The following SCRIB variants were observed in gnomAD, a reference collection of about 807,000 sequenced individuals.
SCRIB encodes protein scribble homolog.
A neutral mutation model predicts 170.0 loss-of-function variants in SCRIB; 72 were observed. The observed-to-expected ratio is 0.42, with a 90% CI of 0.35 to 0.52. The LOEUF (loss-of-function observed/expected upper bound fraction) is 0.52, where lower values mean the gene tolerates loss of function less well. SCRIB is among the 20% of genes least tolerant of loss of function. The pLI is 0.02. For synonymous variants in SCRIB, 1,298 were observed against 1,044.3 expected (o/e 1.24, Z -4.68); for missense variants, 2,475 against 2,338.5 (o/e 1.06, Z -1.20).
chr8:143,792,457 AG>A, intron 31 of SCRIB, 27 bp downstream of exon 31: 1 of 1,503,086 alleles, frequency 6.7e-7, no homozygotes, highest in Non-Finnish European at 8.9e-7. Flanking sequence ...TGGGGTGAGT[AG>A]GGGGCGTCTG....
Position 143,792,204 on chromosome 8 carries a change from C to A in SCRIB, c.4514+16G>T. On this transcript the variant is annotated intron_variant, in intron 32 of 36. Transcript: ENST00000356994. The stretch of plus-strand genomic sequence containing the variant: ...CAGGCAGCAGGGCGGGGTGGCGACC[C>A]CACACAGGGGCTCACCTGGCTGCCC... The A allele has an allele frequency of 6.4e-7, 1 of 1,554,284 alleles. No individual in the cohort carries two copies. The highest frequency in any genetic ancestry group is 8.7e-7 in the Non-Finnish European group (1 of 1,156,036).
At position 143,805,502 on chromosome 8, in the gene SCRIB, C is replaced by A. The variant is rs900785988; in HGVS notation, c.2347-67G>T. On this transcript the variant is annotated intron_variant, in intron 18 of 36. Coordinates refer to ENST00000356994, the MANE Select transcript of SCRIB (RefSeq NM_182706.5). ...GCCACAGACAGCCACGTGCTGGGGGCTCCACACGCTCCCTCCAGGATGGGG... is the reference window on the plus strand; with the variant it reads ...GCCACAGACAGCCACGTGCTGGGGGATCCACACGCTCCCTCCAGGATGGGG... 5 of 1,375,148 alleles carry A rather than the reference C, an allele frequency of 3.6e-6. No individual in the cohort carries two copies. The African/African-American group carries it at 6.0e-5, about 16-fold the overall frequency. 85.2% of individuals were successfully genotyped at this position (1,375,148 alleles called of 1,614,324 possible).
At position 143,805,408 on chromosome 8, in the gene SCRIB, C is replaced by T. The variant is rs782651409; in HGVS notation, c.2374G>A (p.Glu792Lys). ...AGCGCCTCCACGGCCTCGTGGTGCT[C>T]GGCGCCCTGCAGAGCCACACCATTC... ...EVNGVALQGAEHHEAVEALRG... is the reference protein window; with the variant it reads ...EVNGVALQGAKHHEAVEALRG... The change falls in exon 19 of 37, where the codon GAG becomes AAG. Residue 792 changes from glutamate (E) to lysine (K), a missense_variant. By Grantham distance (56) the Glu-to-Lys change is moderately conservative. Around this residue, in one of 3 missense-constraint regions of SCRIB, gnomAD observed 1,966 missense variants for 1,742.9 expected, o/e 1.13. Transcript: ENST00000356994. 5.2e-6 allele frequency: 8 copies of T among 1,526,064 alleles called. No homozygotes were observed. The highest frequency in any genetic ancestry group is 4.1e-5 in the African/African-American group (3 of 72,416). 94.5% of individuals were successfully genotyped at this position (1,526,064 alleles called of 1,614,324 possible).
At position 143,810,991 on chromosome 8, in the gene SCRIB, G is replaced by T. The variant is rs1368285350; in HGVS notation, c.1188C>A (p.Leu396=). 1 of 1,611,608 alleles carries T rather than the reference G, an allele frequency of 6.2e-7. No homozygotes were observed. The highest frequency in any genetic ancestry group is 1.1e-5 in the South Asian group (1 of 90,882). ...WLAENQAQPM[L]RFQTEDDART... ...GGGCATCATCCTCCGTCTGGAACCG[G>T]AGCATGGGCTGCGCCTGGTTCTCTG... Residue 396 remains leucine, a synonymous_variant, in exon 11 of 37, where the codon CTC becomes CTA. Transcript: ENST00000356994.
chr8:143,808,779 G>A lies in SCRIB; in HGVS notation c.1945C>T (p.Pro649Ser). The A allele has an allele frequency of 1.2e-6, 2 of 1,611,148 alleles. No individual in the cohort carries two copies. Among genetic ancestry groups the A allele is most frequent in the Non-Finnish European group, 8.5e-7 (1 of 1,178,510 alleles). ...PVAPGGWHNG[P>S]HAPWAPRAQK... is the part of the protein sequence containing the mutation. ...GCCCGAGGAGCCCAGGGTGCGTGGG[G>A]GCCATTGTGCCAGCCCCCGGGAGCC... The change falls in exon 15 of 37, where the codon CCC (proline) becomes TCC (serine). Residue 649 changes from proline (P) to serine (S), a missense_variant. Around this residue, in one of 3 missense-constraint regions of SCRIB, gnomAD observed 1,966 missense variants for 1,742.9 expected, o/e 1.13. Coordinates refer to ENST00000356994, the MANE Select transcript of SCRIB (RefSeq NM_182706.5).
At chr8:143,812,458 C>T (rs981821337) in intron 8 of SCRIB, 74 bp from the exon 9 acceptor site, 18 of 1,169,014 alleles carry the variant, frequency 1.5e-5, no homozygotes, top group African/African-American at 3.0e-5. Flanking sequence ...GCCAGAAGCG[C>T]CCTCAAGGCA....
intron 24 of SCRIB, among the ~76,000 whole-genome samples, chr8:143,801,261 A>G (rs1343310380): frequency 6.6e-6 from 1 of 152,176 alleles, no homozygotes; most frequent in Non-Finnish European, 1.5e-5. Flanking sequence ...GGGCATGGGG[A>G]CATGGCTTGA....
At chr8:143,791,644 C>G in intron 35 of SCRIB, 22 bp downstream of exon 35, 1 of 1,594,910 alleles carries the variant, frequency 6.3e-7, no homozygotes, top group Non-Finnish European at 8.6e-7. Flanking sequence ...GGCAGGCATG[C>G]AGAGGCCTGG....
intron 15 of SCRIB, among the ~76,000 whole-genome samples, chr8:143,807,894 G>C (rs1365594262): frequency 1.3e-5 from 2 of 152,180 alleles, no homozygotes; most frequent in African/African-American, 4.8e-5. Flanking sequence ...CTCAGGGTCA[G>C]AGTGTCATCA....
At chr8:143,814,911 T>C (rs1475531534) in intron 1 of SCRIB, 2 of 405,352 alleles carry the variant, frequency 4.9e-6, no homozygotes, top group Admixed American at 4.4e-5. Context: ...ATCAGCCACC[T>C]GAATCCAAGT....
chr8:143,792,423 C>G lies in SCRIB; in HGVS notation c.4329-18G>C, dbSNP rs372652080. ...GGCTCTGCCTGGGGAAGGGACAGGA[C>G]GTGCTGTGGGGGGCAGGGGCACGTG... On this transcript the variant is annotated intron_variant, in intron 31 of 36. Transcript: ENST00000356994. The G allele has an allele frequency of 2.2e-5, 33 of 1,504,458 alleles. No homozygotes were observed. In the East Asian group the frequency reaches 4.9e-4, roughly 22 times the overall value. 93.2% of individuals were successfully genotyped at this position (1,504,458 alleles called of 1,614,324 possible). A position where few individuals can be genotyped will look rare whatever the true frequency, so the allele number is the denominator to read the frequency against.
rs1374113602 is a variant in SCRIB at position 143,810,542 on chromosome 8, C to A, written c.1467G>T (p.Glu489Asp). ...AAGGGCAGGCCTCGCTCCGCCGCCC[C>A]TCGATGCTCCTCTTCATCACCTTGA... is the stretch of plus-strand genomic sequence containing the variant. ...SELKVMKRSI[E>D]GRRSEACPCQ... Residue 489 changes from glutamate (E) to aspartate (D), a missense_variant, in exon 13 of 37, where the codon GAG becomes GAT. Glu to Asp is a conservative substitution (Grantham distance 45). Coordinates refer to ENST00000356994, the MANE Select transcript of SCRIB (RefSeq NM_182706.5). The A allele has an allele frequency of 6.2e-7, 1 of 1,613,472 alleles. No homozygotes were observed. Among genetic ancestry groups the A allele is most frequent in the East Asian group, 2.2e-5 (1 of 44,874 alleles).
rs375159014 is a variant in SCRIB, at chr8:143,803,792, C to T, written c.3269G>A (p.Arg1090Gln). The change falls in exon 23 of 37, where the codon CGG (arginine) becomes CAG (glutamine). Residue 1090 changes from arginine to glutamine, a missense_variant. By Grantham distance (43) the Arg-to-Gln change is conservative (BLOSUM62 1). Transcript: ENST00000356994. ...TAGGCCCGGGGGTGCCGGGTCCCTC[C>T]GCACCAGCAGCGACAGCTCCAGGCA... Reference protein sequence around the residue: ...RPCLELSLLVRRDPAPPGLRE... With the variant: ...RPCLELSLLVQRDPAPPGLRE... 2.2e-5 allele frequency: 36 copies of T among 1,603,194 alleles called. No homozygotes were observed. Among genetic ancestry groups the T allele is most frequent in the African/African-American group, 6.7e-5 (5 of 74,894 alleles).
In SCRIB at chr8:143,815,617, AGCGGCGGCG is replaced by A. The variant is rs970936933; in HGVS notation, c.-254_-246del. 15 of 980,436 alleles carry A rather than the reference AGCGGCGGCG, an allele frequency of 1.5e-5. No individual in the cohort carries two copies. In the Admixed American group the frequency reaches 1.9e-4, roughly 12 times the overall value. 60.7% of individuals were successfully genotyped at this position (980,436 alleles called of 1,614,324 possible). ...TCTCAGACTCTTAGGAAGCGCGGGG[AGCGGCGGCG>A]GCGGCGGCTCCGCATCCCGCTTGGT... is the stretch of plus-strand genomic sequence containing the variant. On this transcript the variant is annotated 5_prime_UTR_variant, in exon 1 of 37. Coordinates refer to ENST00000356994, the MANE Select transcript of SCRIB (RefSeq NM_182706.5).
chr8:143,805,773 G>A (rs1468713132), intron 18 of SCRIB, among the ~76,000 whole-genome samples: 3 of 152,140 alleles, frequency 2.0e-5, no homozygotes, highest in African/African-American at 4.8e-5. Flanking sequence ...CACACCTAAG[G>A]TCGCTGGGTT....
intron 24 of SCRIB, among the ~76,000 whole-genome samples, chr8:143,798,537 C>T (rs1014606301): frequency 3.9e-5 from 6 of 152,138 alleles, no homozygotes; most frequent in Admixed American, 1.3e-4. Context: ...TGGGCTCGAG[C>T]GATCCTCCTG....
In SCRIB at chr8:143,808,061, C is replaced by G. The variant is rs1051506748; in HGVS notation, c.2116-447G>C. ...TGTGTGGCACCTCAGGAGGGCCCGA[C>G]AAGGCAGAAAAGAGCCATCAGGGCC... On this transcript the variant is annotated intron_variant, in intron 15 of 36. Coordinates refer to ENST00000356994, the MANE Select transcript of SCRIB (RefSeq NM_182706.5). Among the ~76,000 whole-genome samples, 14 of 152,318 alleles carry G rather than the reference C, an allele frequency of 9.2e-5. No homozygotes were observed. In the East Asian group the frequency reaches 2.3e-3, roughly 25 times the overall value.
At chr8:143,800,233 T>A (rs1189970366) in intron 24 of SCRIB, among the ~76,000 whole-genome samples, 1 of 152,094 alleles carries the variant, frequency 6.6e-6, no homozygotes, top group Non-Finnish European at 1.5e-5. Flanking sequence ...GAACCAACCC[T>A]ACTTAGCAGA....
chr8:143,792,513 G>T lies in SCRIB; in HGVS notation c.4300C>A (p.Pro1434Thr). 1 of 1,554,890 alleles carries T rather than the reference G, an allele frequency of 6.4e-7. No individual in the cohort carries two copies. Among genetic ancestry groups the T allele is most frequent in the Admixed American group, 1.9e-5 (1 of 53,232 alleles). ...GEEEQEDEQP[P>T]WASPSPTSRQ... is the part of the protein sequence containing the mutation. ...GAGGTGGGGCTCGGGCTGGCCCAGG[G>T]TGGCTGCTCATCCTCCTGTTCCTCC... is the stretch of plus-strand genomic sequence containing the variant. Residue 1434 changes from proline to threonine, a missense_variant, in exon 31 of 37, where the codon CCC becomes ACC. Coordinates refer to ENST00000356994, the MANE Select transcript of SCRIB (RefSeq NM_182706.5).
Sources: allele counts gnomAD v4.1 joint callset (sites outside exome capture counted in the v4.1 genomes callset), GRCh38; gene constraint gnomAD v4.1.1; regional missense constraint gnomAD v4.1.1; transcripts MANE v1.5; gene names NCBI Gene and HGNC (gene_info 2026-07-23, HGNC 2026-07-21).